RPS24: variants seen among roughly 807,000 people sequenced by gnomAD.
RPS24 encodes small ribosomal subunit protein eS24.
For missense variants in RPS24, 100 were observed against 162.5 expected (o/e 0.62, Z 2.09); for synonymous variants, 72 against 55.6 (o/e 1.30, Z -1.31).
intron 4 of RPS24, chr10:78,049,357 T>C (rs1379648286): frequency 6.6e-6 from 1 of 152,430 alleles, no homozygotes; most frequent in Non-Finnish European, 1.5e-5. Context: ...CATCGCCCAC[T>C]GGTGCTCCTG....
chr10:78,053,913 T>C (rs542171667), intron 4 of RPS24, among the ~76,000 whole-genome samples: 2 of 152,182 alleles, frequency 1.3e-5, no homozygotes, highest in Admixed American at 1.3e-4. Flanking sequence ...ACGAACCAAT[T>C]TGCAGAGCTG....
downstream of RPS24, chr10:78,040,838 C>A: frequency 1.5e-6 from 1 of 657,062 alleles, no homozygotes; most frequent in Non-Finnish European, 2.6e-6. Context: ...TGTTTGTTTG[C>A]TGCTTGGTTT....
chr10:78,034,146 G>C lies in RPS24; in HGVS notation c.3+242G>C, dbSNP rs188148711. On this transcript the variant is annotated intron_variant, in intron 1 of 5. Transcript: ENST00000372360. Reference sequence around the variant, plus strand: ...GCGCCTGGGCAGTGCAGGAGCTGTTGCGCTTGTTGACTTCGTGGAGCACGG... The same window carrying C: ...GCGCCTGGGCAGTGCAGGAGCTGTTCCGCTTGTTGACTTCGTGGAGCACGG... 7.1e-6 allele frequency: 4 copies of C among 563,394 alleles called. No individual in the cohort carries two copies. The East Asian group carries it at 1.2e-4, about 16-fold the overall frequency. 34.9% of individuals were successfully genotyped at this position (563,394 alleles called of 1,614,324 possible). A position where few individuals can be genotyped will look rare whatever the true frequency, so the allele number is the denominator to read the frequency against.
intron 4 of RPS24, among the ~76,000 whole-genome samples, chr10:78,046,648 C>A (rs2131990329): frequency 6.6e-6 from 1 of 152,232 alleles, no homozygotes; most frequent in South Asian, 2.1e-4. Flanking sequence ...ATCCACTGCA[C>A]CTGGCCTCAT....
At chr10:78,054,840 C>A (rs924451283) in exon 5 of RPS24, 1 of 1,551,570 alleles carries the variant, frequency 6.4e-7, no homozygotes, top group Non-Finnish European at 8.7e-7. Flanking sequence ...TGGTTCTCCC[C>A]ACCCTGTGGA....
chr10:78,045,273 C>T (rs903872151), downstream of RPS24, among the ~76,000 whole-genome samples: 5 of 152,128 alleles, frequency 3.3e-5, no homozygotes, highest in African/African-American at 1.2e-4. Flanking sequence ...CGTCGTGAGG[C>T]ACCGCGCCTG....
At chr10:78,044,561 T>A (rs749669462), downstream of RPS24, among the ~76,000 whole-genome samples, 3 of 152,040 alleles carry the variant, frequency 2.0e-5, no homozygotes, top group Non-Finnish European at 2.9e-5. Flanking sequence ...GAGGCTCTCC[T>A]GGGTTTTAGA....
chr10:78,049,058 C>A lies in RPS24; in HGVS notation c.391-5473C>A, dbSNP rs190522665. On this transcript the variant is annotated intron_variant, in intron 4 of 4. Coordinates refer to the RPS24 transcript ENST00000440692. ...CAGCATGCAAGACGGGCTGCTTTTT[C>A]TTCTGTTTATGGATGAGGCACAGAG... 1.3e-4 allele frequency: 20 copies of A among 152,224 alleles called. No individual in the cohort carries two copies. The East Asian group carries it at 3.9e-3, about 29-fold the overall frequency. The allele number at this position is 152,224 out of a possible 1,614,324, so 9.4% of individuals were successfully genotyped here.
At chr10:78,040,448 TA>T in intron 5 of RPS24, 166 bp from the exon 6 acceptor site, 1 of 727,054 alleles carries the variant, frequency 1.4e-6, no homozygotes, top group South Asian at 1.7e-5. Flanking sequence ...TGAATGTTTG[TA>T]AATTTTATTT....
intron 4 of RPS24, among the ~76,000 whole-genome samples, chr10:78,048,131 C>T (rs1848064077): frequency 6.6e-6 from 1 of 152,134 alleles, no homozygotes; most frequent in Admixed American, 6.5e-5. Flanking sequence ...GTAAACCCTG[C>T]TACATGACAT....
chr10:78,054,825 C>G, exon 5 of RPS24: 1 of 1,551,684 alleles, frequency 6.4e-7, no homozygotes, highest in Non-Finnish European at 8.7e-7. Context: ...CTCACCTGCT[C>G]CTGCTGGTTC....
Position 78,037,902 on chromosome 10 carries a change from C to CTTTTTTTTTTTTTTTTTTT in RPS24, c.390+603_390+621dup, listed in dbSNP as rs55902139. Reference sequence around the variant, plus strand: ...AACAAATAATCAAGTGTTCTGTGAACTTTTTTTTTTTTTTTTTTTTTTTGC... The same window carrying CTTTTTTTTTTTTTTTTTTT: ...AACAAATAATCAAGTGTTCTGTGAACTTTTTTTTTTTTTTTTTTTTTTTTTTTTTTTTTTTTTTTTTTGC... On this transcript the variant is annotated intron_variant, in intron 4 of 5. Transcript: ENST00000372360. 1.3e-4 allele frequency: 51 copies of CTTTTTTTTTTTTTTTTTTT among 379,914 alleles called. 1 individual carries two copies. Among genetic ancestry groups the CTTTTTTTTTTTTTTTTTTT allele is most frequent in the East Asian group, 4.4e-4 (3 of 6,872 alleles). The allele number at this position is 379,914 out of a possible 1,614,324, so 23.5% of individuals were successfully genotyped here.
Position 78,033,892 on chromosome 10 carries a change from G to C in RPS24, c.-10G>C, listed in dbSNP as rs371485901. 4 of 1,614,116 alleles carry C rather than the reference G, an allele frequency of 2.5e-6. No individual in the cohort carries two copies. The highest frequency in any genetic ancestry group is 4.5e-5 in the East Asian group (2 of 44,872). ...TTTCCTCCTTGGCTGTCTGAAGATA[G>C]ATCGCCATCATGGTGAGTCTCCCTG... On this transcript the variant is annotated 5_prime_UTR_variant, in exon 1 of 6. Transcript: ENST00000372360.
At chr10:78,036,159 C>A in intron 3 of RPS24, 1 of 218,450 alleles carries the variant, frequency 4.6e-6, no homozygotes, top group South Asian at 6.7e-5. Flanking sequence ...AGCTCCCCAG[C>A]TTACATTCTA....
chr10:78,037,902 C>CTTTTTTTTTTTTT (rs55902139), intron 4 of RPS24: 21 of 379,918 alleles, frequency 5.5e-5, no homozygotes, highest in South Asian at 7.7e-5. Context: ...GTTCTGTGAA[C>CTTTTTTTTTTTTT]TTTTTTTTTT....
Position 78,040,655 on chromosome 10 carries a change from A to G in RPS24, c.*60A>G. On this transcript the variant is annotated 3_prime_UTR_variant, in exon 6 of 6. Coordinates refer to ENST00000372360, the MANE Select transcript of RPS24 (RefSeq NM_033022.4). ...TGCTGCAATGATGTTAGCTGTGGCC[A>G]CTGTGGATTTTTCGCAAGAACATTA... is the stretch of plus-strand genomic sequence containing the variant. 1.2e-6 allele frequency: 2 copies of G among 1,614,148 alleles called. No homozygotes were observed. The highest frequency in any genetic ancestry group is 1.7e-6 in the Non-Finnish European group (2 of 1,179,984).
downstream of RPS24, among the ~76,000 whole-genome samples, chr10:78,041,225 G>A (rs1847982388): frequency 6.6e-6 from 1 of 152,166 alleles, no homozygotes; most frequent in Non-Finnish European, 1.5e-5. Flanking sequence ...GGGGACTCAG[G>A]AAAAGCAATA....
At chr10:78,035,783 G>A in intron 3 of RPS24, 63 bp downstream of exon 3, 2 of 1,365,142 alleles carry the variant, frequency 1.5e-6, no homozygotes, top group Admixed American at 3.4e-5. Context: ...GCGTTGTGTT[G>A]TGAGTGTGGT....
chr10:78,054,868 A>G, exon 5 of RPS24: 2 of 1,549,356 alleles, frequency 1.3e-6, no homozygotes, highest in East Asian at 2.4e-5. Context: ...TTGGTCCTCC[A>G]CTTGCCAGAA....
Sources: allele counts gnomAD v4.1 joint callset (sites outside exome capture counted in the v4.1 genomes callset), GRCh38; gene constraint gnomAD v4.1.1; transcripts MANE v1.5; gene names NCBI Gene and HGNC (gene_info 2026-07-23, HGNC 2026-07-21).